The following SMARCB1 variants were observed in gnomAD, a reference collection of about 807,000 sequenced individuals.
The protein encoded by SMARCB1 is SWI/SNF-related matrix-associated actin-dependent regulator of chromatin subfamily B member 1.
A neutral mutation model predicts 49.0 loss-of-function variants in SMARCB1; 5 were observed. The observed-to-expected ratio is 0.10, with a 90% CI of 0.05 to 0.21. The LOEUF (loss-of-function observed/expected upper bound fraction) is 0.21. Among genes scored for constraint, SMARCB1 ranks in the 10% least tolerant of loss-of-function variants. SMARCB1 has a pLI of 1.00. For synonymous variants in SMARCB1, 201 were observed against 200.1 expected, an observed-to-expected ratio of 1.00 and a Z score of -0.04; for missense variants, 226 against 509.2, an observed-to-expected ratio of 0.44 and a Z score of 5.35.
chr22:23,795,431 G>A (rs1281662115), intron 3 of SMARCB1, among the ~76,000 whole-genome samples: 6 of 152,110 alleles, frequency 3.9e-5, no homozygotes, highest in Middle Eastern at 3.4e-3. Context: ...CGAGGCGGGC[G>A]GATCACCTGA....
At chr22:23,830,646 T>G (rs1161234445) in intron 7 of SMARCB1, among the ~76,000 whole-genome samples, 2 of 134,406 alleles carry the variant, frequency 1.5e-5, no homozygotes, top group Non-Finnish European at 3.1e-5. Context: ...TAGTCCAATT[T>G]ATCTTTTTTT....
chr22:23,810,501 C>T (rs1246186059), intron 5 of SMARCB1, among the ~76,000 whole-genome samples: 1 of 112,162 alleles, frequency 8.9e-6, no homozygotes, highest in East Asian at 2.7e-4. Context: ...GCACTCCAGC[C>T]TGGGCAACAG....
At chr22:23,805,404 C>T (rs933951009) in intron 5 of SMARCB1, among the ~76,000 whole-genome samples, 4 of 152,228 alleles carry the variant, frequency 2.6e-5, no homozygotes, top group African/African-American at 9.6e-5. Context: ...TGCCAAGCTC[C>T]CCGTTTATCT....
chr22:23,801,268 G>A, intron 4 of SMARCB1, 187 bp downstream of exon 4: 1 of 851,748 alleles, frequency 1.2e-6, no homozygotes, highest in East Asian at 2.6e-5. Context: ...TAGCCTCCTT[G>A]GCTCTGTCTG....
chr22:23,790,897 T>C (rs1928336980), intron 1 of SMARCB1, among the ~76,000 whole-genome samples: 1 of 152,164 alleles, frequency 6.6e-6, no homozygotes. Context: ...AAATATATAC[T>C]ATGTTGCGTA....
Position 23,816,839 on chromosome 22 carries a change from T to A in SMARCB1, c.698T>A (p.Phe233Tyr), listed in dbSNP as rs2146009845. The A allele has an allele frequency of 3.1e-6, 5 of 1,613,990 alleles. No homozygotes were observed. Among genetic ancestry groups the A allele is most frequent in the Non-Finnish European group, 4.2e-6 (5 of 1,179,870 alleles). ...GATCTGGATTTGAACCCGCTGACGT[T>A]TGTGCCAGCCATCGCCTCTGCCATC... The part of the protein sequence containing the change: ...CDDLDLNPLT[F>Y]VPAIASAIRQ... Residue 233 changes from phenylalanine to tyrosine, a missense_variant, in exon 6 of 9, where the codon TTT (phenylalanine) becomes TAT (tyrosine). This residue lies in a region of SMARCB1 where 128 missense variants were observed against 263.9 expected (regional missense o/e 0.49). Coordinates refer to ENST00000644036, the MANE Select transcript of SMARCB1 (RefSeq NM_003073.5).
chr22:23,825,020 C>T, intron 6 of SMARCB1: 1 of 617,014 alleles, frequency 1.6e-6, no homozygotes, highest in Non-Finnish European at 2.9e-6. Context: ...GTGCTGGGCC[C>T]TGAGCCAGAG....
At position 23,801,475 on chromosome 22, in the gene SMARCB1, G is replaced by C. The variant is rs554964097; in HGVS notation, c.500+394G>C. ...TGCTGGAGTAAACCACCACAAACTG[G>C]TGGCTTCGAGCAGAGCACATTTCTT... On this transcript the variant is annotated intron_variant, in intron 4 of 8. Transcript: ENST00000644036. The C allele has an allele frequency of 1.0e-5, 5 of 477,932 alleles. No homozygotes were observed. In the East Asian group the frequency reaches 1.4e-4, roughly 14 times the overall value. 29.6% of individuals were successfully genotyped at this position (477,932 alleles called of 1,614,324 possible).
chr22:23,809,151 C>T (rs928537231), intron 5 of SMARCB1, among the ~76,000 whole-genome samples: 6 of 151,518 alleles, frequency 4.0e-5, no homozygotes, highest in African/African-American at 7.3e-5. Context: ...GTAGATTTCT[C>T]GTGAGAAACT....
At chr22:23,806,685 G>A (rs576075626) in intron 5 of SMARCB1, among the ~76,000 whole-genome samples, 1 of 152,238 alleles carries the variant, frequency 6.6e-6, no homozygotes, top group East Asian at 1.9e-4. Context: ...ACTTTGGGAG[G>A]GTGAGGTGGG....
intron 2 of SMARCB1, chr22:23,793,275 T>A: frequency 2.0e-6 from 1 of 492,756 alleles, no homozygotes; most frequent in South Asian, 2.0e-5. Context: ...TGTATTGTAG[T>A]TGCTGGTGCT....
intron 5 of SMARCB1, among the ~76,000 whole-genome samples, chr22:23,810,493 A>G (rs1929799813): frequency 7.6e-6 from 1 of 131,504 alleles, no homozygotes; most frequent in African/African-American, 2.9e-5. Context: ...ACGCCACTGC[A>G]CTCCAGCCTG....
rs1049039278 is a variant in SMARCB1 at position 23,834,235 on chromosome 22, T to G, written c.*55T>G. The G allele has an allele frequency of 6.6e-7, 1 of 1,524,144 alleles. No homozygotes were observed. The highest frequency in any genetic ancestry group is 1.4e-5 in the African/African-American group (1 of 72,574). The allele number at this position is 1,524,144 out of a possible 1,614,324, so 94.4% of individuals were successfully genotyped here. A position where few individuals can be genotyped will look rare whatever the true frequency, so the allele number is the denominator to read the frequency against. On this transcript the variant is annotated 3_prime_UTR_variant, in exon 9 of 9. Transcript: ENST00000644036. ...GCATCTCAGAAGATTGGGCCGCCTC[T>G]CCTCCATCTTCTGGCAAGGACAGAG...
chr22:23,793,939 A>G (rs905524805), intron 3 of SMARCB1, among the ~76,000 whole-genome samples: 1 of 151,604 alleles, frequency 6.6e-6, no homozygotes, highest in African/African-American at 2.4e-5. Flanking sequence ...CTGCCACTAT[A>G]CCTGGCTAGT....
At chr22:23,831,958 T>C (rs8138827) in intron 7 of SMARCB1, among the ~76,000 whole-genome samples, 34,713 of 152,088 alleles carry the variant, frequency 0.23, 5,728 homozygotes, top group African/African-American at 0.47. Flanking sequence ...AGTACGAGCT[T>C]GAGCTTCTGC....
chr22:23,833,607 G>A lies in SMARCB1; in HGVS notation c.1022G>A (p.Arg341Gln), dbSNP rs748441485. 4.0e-5 allele frequency: 65 copies of A among 1,614,110 alleles called. No individual in the cohort carries two copies. Among genetic ancestry groups the A allele is most frequent in the Non-Finnish European group, 5.3e-5 (63 of 1,180,048 alleles). ...NPLPTVEIAI[R>Q]NTGDADQWCP... ...CTGCCCACAGTGGAGATTGCCATCC[G>A]GAACACGGGCGATGCGGACCAGTGG... The change falls in exon 8 of 9, where the codon CGG (arginine) becomes CAG (glutamine). Residue 341 changes from arginine to glutamine, a missense_variant. Transcript: ENST00000644036.
chr22:23,817,146 A>G (rs1930243571), intron 6 of SMARCB1: 1 of 606,636 alleles, frequency 1.6e-6, no homozygotes, highest in East Asian at 2.8e-5. Flanking sequence ...TTCCGGACAC[A>G]TTCAGGGGGT....
In SMARCB1 at chr22:23,832,934, G is replaced by A. The variant is rs35468083; in HGVS notation, c.987-638G>A. On this transcript the variant is annotated intron_variant, in intron 7 of 8. Transcript: ENST00000644036. ...GTCCTTGTGAGACCCAGGGCAGAGT[G>A]TGGTCCGGGGATACGGCTTCTGTCC... Among the ~76,000 whole-genome samples, 1,368 of 152,286 alleles carry A rather than the reference G, an allele frequency of 9.0e-3. 23 individuals carry two copies. Among genetic ancestry groups the A allele is most frequent in the Non-Finnish European group, 0.011 (766 of 68,026 alleles).
At chr22:23,794,346 G>A (rs891650923) in intron 3 of SMARCB1, among the ~76,000 whole-genome samples, 7 of 152,168 alleles carry the variant, frequency 4.6e-5, no homozygotes, top group Admixed American at 1.3e-4. Flanking sequence ...TCTAAGAAAC[G>A]TAAGCCAAGT....
Sources: allele counts gnomAD v4.1 joint callset (sites outside exome capture counted in the v4.1 genomes callset), GRCh38; gene constraint gnomAD v4.1.1; regional missense constraint gnomAD v4.1.1; transcripts MANE v1.5; gene names NCBI Gene and HGNC (gene_info 2026-07-23, HGNC 2026-07-21).